Variants in NAALADL2 observed in about 807,000 individuals in gnomAD.
The protein encoded by NAALADL2 is inactive N-acetylated-alpha-linked acidic dipeptidase-like protein 2.
NAALADL2 carries 76 observed loss-of-function variants against 87.2 expected under a neutral mutation model. That is an observed-to-expected ratio of 0.87 (90% CI 0.72 to 1.05). The LOEUF is 1.05. Among genes scored for constraint, NAALADL2 ranks in the 50% least tolerant of loss-of-function variants. The probability of loss-of-function intolerance (pLI) is 0.00; values close to 1 mark genes in which losing one functional copy is unlikely to be tolerated. For missense variants in NAALADL2, 1,089 were observed against 945.8 expected (o/e 1.15, Z -1.99); for synonymous variants, 354 against 331.0 (o/e 1.07, Z -0.75).
At chr3:174,670,381 A>C (rs2108800342) in intron 2 of NAALADL2, among the ~76,000 whole-genome samples, 1 of 152,114 alleles carries the variant, frequency 6.6e-6, no homozygotes, top group South Asian at 2.1e-4. Flanking sequence ...TAGAATGAAA[A>C]CCACAAGAGT....
At chr3:174,568,847 CT>C (rs1053354157) in intron 2 of NAALADL2, among the ~76,000 whole-genome samples, 9 of 150,846 alleles carry the variant, frequency 6.0e-5, no homozygotes, top group South Asian at 2.1e-4. Flanking sequence ...AATTATTATT[CT>C]TTTTTTAAGA....
intron 1 of NAALADL2, among the ~76,000 whole-genome samples, chr3:174,509,396 CT>C (rs1385283629): frequency 4.2e-5 from 3 of 72,218 alleles, no homozygotes; most frequent in South Asian, 6.2e-4. Context: ...GTGTCTCTTC[CT>C]TTCTTTCTTT....
intron 2 of NAALADL2, among the ~76,000 whole-genome samples, chr3:174,628,242 C>T (rs971447806): frequency 7.9e-5 from 12 of 152,128 alleles, no homozygotes; most frequent in African/African-American, 2.9e-4. Flanking sequence ...CTTTGGGAGA[C>T]CGAGGCGGGC....
At chr3:175,402,942 C>T (rs942496615) in intron 5 of NAALADL2, among the ~76,000 whole-genome samples, 2 of 152,090 alleles carry the variant, frequency 1.3e-5, no homozygotes, top group Non-Finnish European at 2.9e-5. Flanking sequence ...TTAAATTCTA[C>T]TTTGACACTT....
intron 5 of NAALADL2, among the ~76,000 whole-genome samples, chr3:175,334,312 T>C (rs1055869129): frequency 6.6e-6 from 1 of 152,176 alleles, no homozygotes; most frequent in Non-Finnish European, 1.5e-5. Flanking sequence ...TATTTATAGA[T>C]ACTGATAGCT....
intron 4 of NAALADL2, among the ~76,000 whole-genome samples, chr3:175,268,532 A>G (rs1366239056): frequency 1.3e-5 from 2 of 152,102 alleles, no homozygotes; most frequent in East Asian, 3.9e-4. Context: ...TCTTTTTAAT[A>G]ATAAATTAAT....
intron 10 of NAALADL2, among the ~76,000 whole-genome samples, chr3:175,611,418 C>T (rs1365792341): frequency 6.6e-6 from 1 of 151,788 alleles, no homozygotes; most frequent in Admixed American, 6.6e-5. Context: ...AACTTGAAAT[C>T]GCCCTTCAAT....
chr3:175,418,695 G>A (rs1302747404), intron 5 of NAALADL2, among the ~76,000 whole-genome samples: 2 of 152,040 alleles, frequency 1.3e-5, no homozygotes, highest in Non-Finnish European at 2.9e-5. Flanking sequence ...ATGAAATATA[G>A]TGAAGTCAAT....
At chr3:174,838,412 C>A (rs115800116) in intron 3 of NAALADL2, among the ~76,000 whole-genome samples, 25 of 152,272 alleles carry the variant, frequency 1.6e-4, no homozygotes, top group Non-Finnish European at 3.1e-4. Flanking sequence ...AAGTTGAAAT[C>A]ATTCCCTGTG....
chr3:175,226,636 GT>G lies in NAALADL2; in HGVS notation c.546-7289del, dbSNP rs567652479. On this transcript the variant is annotated intron_variant, in intron 2 of 13. Coordinates refer to ENST00000454872, the MANE Select transcript of NAALADL2 (RefSeq NM_207015.3). ...GGCAACCATAGTAGTTATATCAAGA[GT>G]TTTTTGTGATGATTAAGCATAATAG... 3.2e-3 allele frequency among the ~76,000 whole-genome samples: 488 copies of G among 152,140 alleles called. 3 individuals are homozygous for G. Among genetic ancestry groups the G allele is most frequent in the African/African-American group, 0.011 (465 of 41,550 alleles).
upstream of NAALADL2, among the ~76,000 whole-genome samples, chr3:174,857,031 TA>T (rs1725930283): frequency 6.6e-6 from 1 of 152,144 alleles, no homozygotes; most frequent in Non-Finnish European, 1.5e-5. Flanking sequence ...ACTGTACCTA[TA>T]ATATAATGTG....
intron 1 of NAALADL2, among the ~76,000 whole-genome samples, chr3:174,860,675 G>C (rs1271804385): frequency 6.6e-6 from 1 of 152,060 alleles, no homozygotes; most frequent in African/African-American, 2.4e-5. Context: ...CTGTGTGGGT[G>C]CATCACCTGT....
At chr3:175,489,879 A>G (rs1320554729) in intron 9 of NAALADL2, among the ~76,000 whole-genome samples, 1 of 152,200 alleles carries the variant, frequency 6.6e-6, no homozygotes, top group Non-Finnish European at 1.5e-5. Context: ...TAGTCTCTAC[A>G]TTAGTATATG....
chr3:175,705,270 A>T (rs1264651152), intron 11 of NAALADL2, among the ~76,000 whole-genome samples: 1 of 152,174 alleles, frequency 6.6e-6, no homozygotes, highest in Non-Finnish European at 1.5e-5. Context: ...GGAAATAAAC[A>T]GCAAGAGCTC....
At chr3:175,586,470 T>C (rs1164126492) in intron 10 of NAALADL2, among the ~76,000 whole-genome samples, 1 of 152,210 alleles carries the variant, frequency 6.6e-6, no homozygotes, top group African/African-American at 2.4e-5. Flanking sequence ...ATGGAAATAA[T>C]GCTGAAGAGA....
intron 1 of NAALADL2, among the ~76,000 whole-genome samples, chr3:174,921,438 CA>C (rs1735171145): frequency 6.6e-6 from 1 of 151,870 alleles, no homozygotes; most frequent in Non-Finnish European, 1.5e-5. Flanking sequence ...AGTAACCAGA[CA>C]AGTATAAAAA....
At chr3:174,902,585 A>G (rs1732449588) in intron 1 of NAALADL2, among the ~76,000 whole-genome samples, 1 of 152,178 alleles carries the variant, frequency 6.6e-6, no homozygotes, top group African/African-American at 2.4e-5. Flanking sequence ...GGTTCTATTA[A>G]TAGAGGTTAA....
At chr3:174,945,174 C>T (rs1739217683) in intron 1 of NAALADL2, among the ~76,000 whole-genome samples, 1 of 152,086 alleles carries the variant, frequency 6.6e-6, no homozygotes, top group South Asian at 2.1e-4. Context: ...AAGAGGTATA[C>T]CAGAATTAAT....
At chr3:175,609,081 A>G (rs2149667117) in intron 10 of NAALADL2, among the ~76,000 whole-genome samples, 1 of 152,094 alleles carries the variant, frequency 6.6e-6, no homozygotes, top group East Asian at 1.9e-4. Context: ...GCAGCAGTGT[A>G]TAATTGCAGG....
Sources: gnomAD v4.1 joint callset for allele counts (sites outside exome capture counted in the v4.1 genomes callset) on GRCh38, gnomAD v4.1.1 for gene constraint, MANE v1.5 for transcripts, NCBI Gene and HGNC (gene_info 2026-07-23, HGNC 2026-07-21) for gene names.